The following CAV3 variants were observed in gnomAD, a reference collection of about 807,000 sequenced individuals.
CAV3 encodes caveolin-3.
In CAV3, 10 loss-of-function variants were observed where a neutral mutation model predicts 13.4. The ratio of observed to expected loss-of-function variants is 0.75; its 90% confidence interval spans 0.46 to 1.27. The LOEUF (loss-of-function observed/expected upper bound fraction) is 1.27, where lower values mean the gene tolerates loss of function less well. Ranked by LOEUF, CAV3 falls within the 50% of genes most tolerant of loss-of-function variation. The probability of loss-of-function intolerance (pLI) is 0.00; values close to 1 mark genes in which losing one functional copy is unlikely to be tolerated. For missense variants in CAV3, 162 were observed against 194.0 expected (o/e 0.83, Z 0.98); for synonymous variants, 90 against 79.0 (o/e 1.14, Z -0.74).
Position 8,745,284 on chromosome 3 carries a change from G to A in CAV3, c.115-242G>A, listed in dbSNP as rs184091894. ...CGGCCTCACCTGAAGCCAAGCAGAT[G>A]CCAGCACCATGATTCCTGCACAGAT... On this transcript the variant is annotated intron_variant, in intron 1 of 1. Coordinates refer to ENST00000343849, the MANE Select transcript of CAV3 (RefSeq NM_033337.3). The surrounding 1 kb of genome is among the most constrained non-coding windows in gnomAD (Gnocchi z 4.8). Among the ~76,000 whole-genome samples the A allele has an allele frequency of 7.3e-4, 111 of 152,280 alleles. No homozygotes were observed. The highest frequency in any genetic ancestry group is 2.5e-3 in the African/African-American group (103 of 41,570).
At chr3:8,739,913 G>A (rs1011889500) in intron 1 of CAV3, among the ~76,000 whole-genome samples, 2 of 152,096 alleles carry the variant, frequency 1.3e-5, no homozygotes, top group African/African-American at 4.8e-5. Flanking sequence ...GGCTGAGGCT[G>A]CAATCACCTG....
At chr3:8,744,720 G>C (rs946141422) in intron 1 of CAV3, 1 of 152,218 alleles carries the variant, frequency 6.6e-6, no homozygotes, top group African/African-American at 2.4e-5. Context: ...CCAATCCACA[G>C]GTGCTCAGTA....
intron 1 of CAV3, among the ~76,000 whole-genome samples, chr3:8,739,698 C>T (rs1327313049): frequency 6.6e-6 from 1 of 152,004 alleles, no homozygotes; most frequent in African/African-American, 2.4e-5. Flanking sequence ...CTATAGAAGA[C>T]ACCTGGAGCC....
intron 1 of CAV3, among the ~76,000 whole-genome samples, chr3:8,744,585 C>T (rs1035132789): frequency 6.6e-6 from 1 of 151,214 alleles, no homozygotes; most frequent in Non-Finnish European, 1.5e-5. Context: ...ACAGACAAGA[C>T]AGCTGAGGCT....
At chr3:8,744,801 A>G (rs6777088) in intron 1 of CAV3, 49,157 of 152,192 alleles carry the variant, frequency 0.32, 9,922 homozygotes, top group African/African-American at 0.57. Context: ...GAGAGCTGCG[A>G]CTATAGCACT....
chr3:8,741,833 C>T (rs1484897077), intron 1 of CAV3, among the ~76,000 whole-genome samples: 1 of 152,202 alleles, frequency 6.6e-6, no homozygotes, highest in Non-Finnish European at 1.5e-5. Flanking sequence ...CTTCCCCGCC[C>T]TCTCAGAGAC....
chr3:8,739,058 C>T (rs1707855559), intron 1 of CAV3, among the ~76,000 whole-genome samples: 1 of 152,208 alleles, frequency 6.6e-6, no homozygotes. Context: ...TTGGCAATTC[C>T]TTCCTTTTGG....
Position 8,745,559 on chromosome 3 carries a change from G to A in CAV3, c.148G>A (p.Gly50Ser). 6.2e-7 allele frequency: 1 copy of A among 1,614,098 alleles called. No individual in the cohort carries two copies. Among genetic ancestry groups the A allele is most frequent in the Non-Finnish European group, 8.5e-7 (1 of 1,180,002 alleles). The change falls in exon 2 of 2, where the codon GGC (glycine) becomes AGC (serine). Residue 50 changes from glycine (G) to serine (S), a missense_variant. Gly to Ser is a moderately conservative substitution (Grantham distance 56). Coordinates refer to ENST00000343849, the MANE Select transcript of CAV3 (RefSeq NM_033337.3). This position sits in a 1 kb window ranked among gnomAD's most constrained non-coding sequence, Gnocchi z 4.8. ...DFEDVIAEPV[G>S]TYSFDGVWKV... is the part of the protein sequence containing the mutation. ...TGAAGACGTGATCGCAGAGCCTGTG[G>A]GCACCTACAGCTTTGACGGCGTGTG...
rs750004840 is a variant in CAV3, at chr3:8,745,840, C to A, written c.429C>A (p.Ile143=). 7 of 1,613,162 alleles carry A rather than the reference C, an allele frequency of 4.3e-6. No individual in the cohort carries two copies. Among genetic ancestry groups the A allele is most frequent in the Non-Finnish European group, 5.1e-6 (6 of 1,179,766 alleles). ...FAALGQVCSS[I]KVVLRKEV is the part of the protein sequence containing the mutation. ...CCCTGGGCCAGGTCTGCAGCAGCAT[C>A]AAGGTGGTGCTGCGGAAGGAGGTCT... The change falls in exon 2 of 2, where the codon ATC becomes ATA. Residue 143 remains isoleucine (I), a synonymous_variant. Transcript: ENST00000343849. This position sits in a 1 kb window ranked among gnomAD's most constrained non-coding sequence, Gnocchi z 4.8.
At chr3:8,739,441 C>A (rs1218707790) in intron 1 of CAV3, among the ~76,000 whole-genome samples, 14 of 145,780 alleles carry the variant, frequency 9.6e-5, no homozygotes, top group African/African-American at 3.6e-4. Context: ...TGATGAAAAC[C>A]TGTCTCTACT....
rs1708130193 is a variant in CAV3 at position 8,745,573 on chromosome 3, T to G, written c.162T>G (p.Phe54Leu). The change falls in exon 2 of 2, where the codon TTT becomes TTG. Residue 54 changes from phenylalanine (F) to leucine (L), a missense_variant. Phe to Leu is a conservative substitution (Grantham distance 22). Coordinates refer to ENST00000343849, the MANE Select transcript of CAV3 (RefSeq NM_033337.3). This position sits in a 1 kb window ranked among gnomAD's most constrained non-coding sequence, Gnocchi z 4.8. ...CAGAGCCTGTGGGCACCTACAGCTT[T>G]GACGGCGTGTGGAAGGTGAGCTACA... is the stretch of plus-strand genomic sequence containing the variant. Reference protein sequence around the residue: ...VIAEPVGTYSFDGVWKVSYTT... With the variant: ...VIAEPVGTYSLDGVWKVSYTT... The G allele has an allele frequency of 6.2e-7, 1 of 1,614,160 alleles. No homozygotes were observed. The highest frequency in any genetic ancestry group is 1.3e-5 in the African/African-American group (1 of 75,054).
At chr3:8,744,445 A>ATTTTTTTTTTTTTT (rs141816229) in intron 1 of CAV3, among the ~76,000 whole-genome samples, 16 of 111,408 alleles carry the variant, frequency 1.4e-4, no homozygotes, top group Non-Finnish European at 2.1e-4. Context: ...TACCCGGCTA[A>ATTTTTTTTTTTTTT]TTTTTTTTTT....
In CAV3 at chr3:8,741,853, T is replaced by G. The variant is rs183131495; in HGVS notation, c.115-3673T>G. 2.4e-3 allele frequency among the ~76,000 whole-genome samples: 358 copies of G among 152,268 alleles called. 1 individual carries two copies. The highest frequency in any genetic ancestry group is 8.2e-3 in the African/African-American group (340 of 41,534). ...CCGCCCTCTCAGAGACTGCGGGGAC[T>G]GCGCTGGCTGGTTTCAATTAATCAA... On this transcript the variant is annotated intron_variant, in intron 1 of 1. Coordinates refer to ENST00000343849, the MANE Select transcript of CAV3 (RefSeq NM_033337.3).
intron 1 of CAV3, among the ~76,000 whole-genome samples, chr3:8,739,050 G>T (rs1342045425): frequency 2.6e-5 from 4 of 152,200 alleles, no homozygotes; most frequent in Non-Finnish European, 5.9e-5. Flanking sequence ...ATTCCATATT[G>T]GCAATTCCTT....
At chr3:8,736,539 G>A (rs1403479347) in intron 1 of CAV3, among the ~76,000 whole-genome samples, 1 of 152,190 alleles carries the variant, frequency 6.6e-6, no homozygotes, top group Non-Finnish European at 1.5e-5. Flanking sequence ...AGGATCCCAC[G>A]GGAGAACATG....
At chr3:8,738,567 A>C (rs1037610096) in intron 1 of CAV3, among the ~76,000 whole-genome samples, 7 of 152,212 alleles carry the variant, frequency 4.6e-5, no homozygotes. Context: ...GGAGGTTAGG[A>C]GAGGAAGAAT....
chr3:8,741,946 G>A (rs976409159), intron 1 of CAV3, among the ~76,000 whole-genome samples: 5 of 152,174 alleles, frequency 3.3e-5, no homozygotes, highest in Admixed American at 1.3e-4. Flanking sequence ...GTGCACCATC[G>A]TTCCCCCTTC....
chr3:8,743,362 C>A (rs947100597), intron 1 of CAV3, among the ~76,000 whole-genome samples: 2 of 152,074 alleles, frequency 1.3e-5, no homozygotes, highest in African/African-American at 4.8e-5. Flanking sequence ...ATGACTTTTC[C>A]ATCCCTGTTC....
chr3:8,734,550 G>C (rs1008208667), intron 1 of CAV3, among the ~76,000 whole-genome samples: 1 of 152,062 alleles, frequency 6.6e-6, no homozygotes, highest in African/African-American at 2.4e-5. Context: ...GGCCAGGACA[G>C]GGCAGACGGC....
Sources: gnomAD v4.1 joint callset for allele counts (sites outside exome capture counted in the v4.1 genomes callset) on GRCh38, gnomAD v4.1.1 for gene constraint, Gnocchi (gnomAD v3.1) non-coding constraint, MANE v1.5 for transcripts, NCBI Gene and HGNC (gene_info 2026-07-23, HGNC 2026-07-21) for gene names.